Variants in EFCAB14 observed in about 807,000 individuals in gnomAD.
EFCAB14 encodes the protein EF-hand calcium-binding domain-containing protein 14.
In EFCAB14, 43 loss-of-function variants were observed where a neutral mutation model predicts 56.5. That is an observed-to-expected ratio of 0.76 (90% CI 0.60 to 0.98). The LOEUF (loss-of-function observed/expected upper bound fraction) is 0.98, where lower values mean the gene tolerates loss of function less well. Among genes scored for constraint, EFCAB14 ranks in the 50% least tolerant of loss-of-function variants. The probability of loss-of-function intolerance (pLI) is 0.00; values close to 1 mark genes in which losing one functional copy is unlikely to be tolerated. For missense variants in EFCAB14, 538 were observed against 580.3 expected (o/e 0.93, Z 0.75); for synonymous variants, 235 against 212.9 (o/e 1.10, Z -0.90).
rs1250846331 is a variant in EFCAB14, at chr1:46,677,352, T to A, written c.*1109A>T. ...ACTGAATATTATTTCACATGTTTCATCTCACAGCCTTTTTGGCTTTAGTCA... is the reference window on the plus strand; with the variant it reads ...ACTGAATATTATTTCACATGTTTCAACTCACAGCCTTTTTGGCTTTAGTCA... On this transcript the variant is annotated 3_prime_UTR_variant, in exon 11 of 11. Coordinates refer to ENST00000371933, the MANE Select transcript of EFCAB14 (RefSeq NM_014774.3). The A allele has an allele frequency of 6.6e-6, 1 of 152,240 alleles. No homozygotes were observed. The highest frequency in any genetic ancestry group is 2.4e-5 in the African/African-American group (1 of 41,450). 9.4% of individuals were successfully genotyped at this position (152,240 alleles called of 1,614,324 possible). A position where few individuals can be genotyped will look rare whatever the true frequency, so the allele number is the denominator to read the frequency against.
At chr1:46,688,623 A>G in intron 6 of EFCAB14, 79 bp from the exon 7 acceptor site, 1 of 1,228,746 alleles carries the variant, frequency 8.1e-7, no homozygotes, top group South Asian at 1.4e-5. Flanking sequence ...CCGAACAACC[A>G]TTACTATGTC....
chr1:46,680,680 C>T (rs1025331026), intron 10 of EFCAB14, among the ~76,000 whole-genome samples: 1 of 152,114 alleles, frequency 6.6e-6, no homozygotes, highest in African/African-American at 2.4e-5. Context: ...CTTGTGAATA[C>T]ACTAAAAAAC....
At chr1:46,688,596 C>T (rs370111550) in intron 6 of EFCAB14, 52 bp from the exon 7 acceptor site, 14 of 1,510,606 alleles carry the variant, frequency 9.3e-6, no homozygotes, top group Non-Finnish European at 1.3e-5. Context: ...GTAAATTAGA[C>T]AAGCAGGCCA....
chr1:46,695,027 A>G (rs1677057911), intron 4 of EFCAB14, among the ~76,000 whole-genome samples: 1 of 144,066 alleles, frequency 6.9e-6, no homozygotes, highest in East Asian at 2.2e-4. Flanking sequence ...GAATTGAACA[A>G]TGAGAACACT....
intron 10 of EFCAB14, among the ~76,000 whole-genome samples, chr1:46,679,446 G>A (rs894722097): frequency 1.3e-5 from 2 of 151,594 alleles, no homozygotes; most frequent in Admixed American, 6.6e-5. Context: ...GATTACAGGC[G>A]CCCGCCACCA....
chr1:46,702,838 G>A (rs1216894516), intron 3 of EFCAB14, among the ~76,000 whole-genome samples: 1 of 152,150 alleles, frequency 6.6e-6, no homozygotes, highest in Non-Finnish European at 1.5e-5. Context: ...AGTACTATAG[G>A]AGAAGGGCAC....
In EFCAB14 at chr1:46,718,358, A is replaced by AGT; in HGVS notation, c.-273_-272dup. 2.9e-6 allele frequency: 1 copy of AGT among 342,494 alleles called. No individual in the cohort carries two copies. The highest frequency in any genetic ancestry group is 5.4e-6 in the Non-Finnish European group (1 of 185,096). 21.2% of individuals were successfully genotyped at this position (342,494 alleles called of 1,614,324 possible). On this transcript the variant is annotated 5_prime_UTR_variant, in exon 1 of 11. Coordinates refer to ENST00000371933, the MANE Select transcript of EFCAB14 (RefSeq NM_014774.3). Reference sequence around the variant, plus strand: ...CCAAAGGATAAGGCCTTGGGTGCAGAGTGTTAGTAGAGGGTGGAGAGGGAC... The same window carrying AGT: ...CCAAAGGATAAGGCCTTGGGTGCAGAGTGTGTTAGTAGAGGGTGGAGAGGGAC...
intron 4 of EFCAB14, among the ~76,000 whole-genome samples, chr1:46,692,708 C>T (rs1677018318): frequency 6.6e-6 from 1 of 152,058 alleles, no homozygotes. Context: ...TTTACATTGC[C>T]CTAATGAAAC....
At chr1:46,694,627 G>A (rs1385374372) in intron 4 of EFCAB14, among the ~76,000 whole-genome samples, 1 of 152,202 alleles carries the variant, frequency 6.6e-6, no homozygotes, top group African/African-American at 2.4e-5. Flanking sequence ...TACACTGTTG[G>A]TGGGACTGTA....
In EFCAB14 at chr1:46,696,560, T is replaced by A. The variant is rs1018569095; in HGVS notation, c.570A>T (p.Gly190=). 3.3e-5 allele frequency: 53 copies of A among 1,613,206 alleles called. No homozygotes were observed. Among genetic ancestry groups the A allele is most frequent in the Non-Finnish European group, 4.3e-5 (51 of 1,179,478 alleles). The change falls in exon 4 of 11, where the codon GGA becomes GGT. Residue 190 remains glycine (G), a synonymous_variant. Coordinates refer to ENST00000371933, the MANE Select transcript of EFCAB14 (RefSeq NM_014774.3). ...CACACATGGCACCTACCTTCTGAAGTCCCTCTACAGTGGTAGGCAGGCTAA... is the reference window on the plus strand; with the variant it reads ...CACACATGGCACCTACCTTCTGAAGACCCTCTACAGTGGTAGGCAGGCTAA... ...DLISLPTTVE[G]LQKSVASIGN...
intron 2 of EFCAB14, among the ~76,000 whole-genome samples, chr1:46,715,853 G>A (rs1441488393): frequency 6.6e-6 from 1 of 152,084 alleles, no homozygotes; most frequent in Non-Finnish European, 1.5e-5. Flanking sequence ...AAAATACTGA[G>A]AGGAACGTAT....
At chr1:46,695,077 T>G (rs1677058878) in intron 4 of EFCAB14, among the ~76,000 whole-genome samples, 3 of 106,748 alleles carry the variant, frequency 2.8e-5, no homozygotes, top group Admixed American at 1.1e-4. Flanking sequence ...GGGGCCTGTT[T>G]TGGGGTGGGG....
intron 2 of EFCAB14, among the ~76,000 whole-genome samples, chr1:46,715,314 T>C (rs543928292): frequency 2.1e-4 from 32 of 152,264 alleles, no homozygotes; most frequent in African/African-American, 6.7e-4. Flanking sequence ...AAATGTGAAT[T>C]TGGGCAGCAA....
chr1:46,713,347 C>G (rs10890414), intron 2 of EFCAB14, among the ~76,000 whole-genome samples: 9,243 of 152,182 alleles, frequency 0.061, 856 homozygotes, highest in East Asian at 0.39. Context: ...TAGTTAGGGT[C>G]CCAGGGGAAT....
chr1:46,691,496 T>C (rs922642163), intron 5 of EFCAB14, among the ~76,000 whole-genome samples: 3 of 152,222 alleles, frequency 2.0e-5, no homozygotes, highest in Admixed American at 6.5e-5. Flanking sequence ...CACAAACTTC[T>C]GGGGGTGCTT....
intron 10 of EFCAB14, among the ~76,000 whole-genome samples, chr1:46,681,158 T>G (rs1371869526): frequency 6.6e-6 from 1 of 152,076 alleles, no homozygotes; most frequent in African/African-American, 2.4e-5. Context: ...GGGATTTCAC[T>G]GTGTTGCCCA....
Position 46,719,090 on chromosome 1 carries a change from C to A in EFCAB14, c.-1003G>T. On this transcript the variant is annotated 5_prime_UTR_variant, in exon 1 of 11. An upstream start codon of the reference 5' UTR is lost. Coordinates refer to ENST00000371933, the MANE Select transcript of EFCAB14 (RefSeq NM_014774.3). This position sits in a 1 kb window ranked among gnomAD's most constrained non-coding sequence, Gnocchi z 4.0. Reference sequence around the variant, plus strand: ...GCGGCCGCGAGCTCCAGCCCCGGGCCATCGCTCCAGCCCCAGATCACTTCC... The same window carrying A: ...GCGGCCGCGAGCTCCAGCCCCGGGCAATCGCTCCAGCCCCAGATCACTTCC... 1 of 157,334 alleles carries A rather than the reference C, an allele frequency of 6.4e-6. No individual in the cohort carries two copies. Among genetic ancestry groups the A allele is most frequent in the South Asian group, 1.8e-4 (1 of 5,714 alleles). 9.7% of individuals were successfully genotyped at this position (157,334 alleles called of 1,614,324 possible).
Position 46,689,700 on chromosome 1 carries a change from A to AG in EFCAB14, c.691-10dup, listed in dbSNP as rs750211749. 3.0e-5 allele frequency: 48 copies of AG among 1,612,720 alleles called. No individual in the cohort carries two copies. Among genetic ancestry groups the AG allele is most frequent in the Non-Finnish European group, 4.0e-5 (47 of 1,178,948 alleles). On this transcript the variant is annotated splice_polypyrimidine_tract_variant and intron_variant, in intron 5 of 10. Coordinates refer to ENST00000371933, the MANE Select transcript of EFCAB14 (RefSeq NM_014774.3). ...TTCAAGAAGTGCTGATTCTGTTAAG[A>AG]GGAAAGAAGTTTAGTGTAGGCAACA...
intron 2 of EFCAB14, among the ~76,000 whole-genome samples, chr1:46,715,866 T>C (rs1307383956): frequency 3.9e-5 from 6 of 152,086 alleles, no homozygotes; most frequent in African/African-American, 1.2e-4. Context: ...GAACGTATAA[T>C]TGCTTCACTA....
Sources: gnomAD v4.1 joint callset for allele counts (sites outside exome capture counted in the v4.1 genomes callset) on GRCh38, gnomAD v4.1.1 for gene constraint, Gnocchi (gnomAD v3.1) non-coding constraint, MANE v1.5 for transcripts, NCBI Gene and HGNC (gene_info 2026-07-23, HGNC 2026-07-21) for gene names.